The following COL18A1 variants were observed in gnomAD, a reference collection of about 807,000 sequenced individuals.
COL18A1 encodes collagen type XVIII alpha 1 chain.
COL18A1 carries 133 observed loss-of-function variants against 168.0 expected under a neutral mutation model. The observed-to-expected ratio is 0.79, with a 90% CI of 0.69 to 0.91. COL18A1 has a LOEUF of 0.91. Ranked by LOEUF, COL18A1 falls within the 40% of genes least tolerant of loss-of-function variation. COL18A1 has a pLI of 0.00. For missense variants in COL18A1, 2,126 were observed against 1,925.4 expected (o/e 1.10, Z -1.95); for synonymous variants, 949 against 809.0 (o/e 1.17, Z -2.94).
At chr21:45,478,731 G>A (rs554140068) in intron 9 of COL18A1, among the ~76,000 whole-genome samples, 4 of 152,116 alleles carry the variant, frequency 2.6e-5, no homozygotes, top group Admixed American at 2.0e-4. Flanking sequence ...TCCGAGCTTC[G>A]TCGCAAAACA....
In COL18A1 at chr21:45,492,540, C is replaced by T. The variant is rs768098929; in HGVS notation, c.2163C>T (p.Ser721=). 2.3e-5 allele frequency: 37 copies of T among 1,613,326 alleles called. No individual in the cohort carries two copies. The highest frequency in any genetic ancestry group is 3.1e-5 in the Non-Finnish European group (37 of 1,180,016). ...TTCCTTTTGCTCGTGGACAGGGATC[C>T]GTCCTGAGCGTGCCGGGACCTGAGG... ...PVVYVSEQDG[S]VLSVPGPEGR... is the part of the protein sequence containing the mutation. The change falls in exon 23 of 42, where the codon TCC becomes TCT. Residue 721 remains serine (S), a synonymous_variant. Coordinates refer to ENST00000651438, the MANE Select transcript of COL18A1 (RefSeq NM_001379500.1).
At chr21:45,430,672 C>T (rs544867762) in intron 2 of COL18A1, among the ~76,000 whole-genome samples, 70 of 152,284 alleles carry the variant, frequency 4.6e-4, no homozygotes, top group African/African-American at 1.6e-3. Context: ...CGTCTCGGCC[C>T]GGGGTCTCGT....
At position 45,486,942 on chromosome 21, in the gene COL18A1, G is replaced by C; in HGVS notation, c.1783G>C (p.Gly595Arg). The stretch of plus-strand genomic sequence containing the variant: ...AGCCCCCGGACCTGCTGGACCACCA[G>C]GCCCCCCTGGGCCCCCTGGGCCCCC... Reference protein sequence around the residue: ...AGAPGPAGPPGPPGPPGPPGP... With the variant: ...AGAPGPAGPPRPPGPPGPPGP... The change falls in exon 16 of 42, where the codon GGC becomes CGC. Residue 595 changes from glycine to arginine, a missense_variant. Gly to Arg is a moderately radical substitution (Grantham distance 125). Coordinates refer to ENST00000651438, the MANE Select transcript of COL18A1 (RefSeq NM_001379500.1). 6.7e-7 allele frequency: 1 copy of C among 1,491,602 alleles called. No individual in the cohort carries two copies. Among genetic ancestry groups the C allele is most frequent in the Non-Finnish European group, 8.9e-7 (1 of 1,121,740 alleles). The allele number at this position is 1,491,602 out of a possible 1,614,324, so 92.4% of individuals were successfully genotyped here.
intron 2 of COL18A1, among the ~76,000 whole-genome samples, chr21:45,446,803 A>G (rs1000631341): frequency 6.6e-5 from 10 of 152,222 alleles, no homozygotes; most frequent in African/African-American, 2.4e-4. Context: ...AAAATTCACC[A>G]TGGCTAAGTG....
intron 39 of COL18A1, among the ~76,000 whole-genome samples, chr21:45,509,858 G>T (rs2146124135): frequency 6.6e-6 from 1 of 152,318 alleles, no homozygotes; most frequent in South Asian, 2.1e-4. Context: ...GGCAGCTGGG[G>T]GCACCCACGT....
chr21:45,498,016 A>AC lies in COL18A1; in HGVS notation c.2683+358dup, dbSNP rs2036600391. Among the ~76,000 whole-genome samples, 1 of 151,994 alleles carries AC rather than the reference A, an allele frequency of 6.6e-6. No homozygotes were observed. Among genetic ancestry groups the AC allele is most frequent in the South Asian group, 2.1e-4 (1 of 4,826 alleles). ...CGGGGCCGGGGGTCGGCACTGGAGG[A>AC]CCCTCTGTCGAGAAACTCTCCAGGG... is the stretch of plus-strand genomic sequence containing the variant. On this transcript the variant is annotated intron_variant, in intron 32 of 41. Coordinates refer to ENST00000651438, the MANE Select transcript of COL18A1 (RefSeq NM_001379500.1). This position sits in a 1 kb window ranked among gnomAD's most constrained non-coding sequence, Gnocchi z 4.5.
At chr21:45,505,802 C>G (rs748392655) in intron 36 of COL18A1, 36 bp from the exon 37 acceptor site, 1 of 1,543,618 alleles carries the variant, frequency 6.5e-7, no homozygotes, top group South Asian at 1.1e-5. Context: ...CCGCCCTCCC[C>G]GCCAAGCCCC....
At chr21:45,495,894 T>C (rs1244892439) in intron 29 of COL18A1, 1 of 316,764 alleles carries the variant, frequency 3.2e-6, no homozygotes, top group African/African-American at 2.2e-5. Context: ...CATACATGAC[T>C]ATGAGCCCTC....
intron 32 of COL18A1, 32 bp from the exon 33 acceptor site, chr21:45,503,979 T>C: frequency 6.2e-7 from 1 of 1,612,960 alleles, no homozygotes; most frequent in Non-Finnish European, 8.5e-7. Context: ...AGACACCACC[T>C]CAGCGAGACC....
At chr21:45,483,804 G>A (rs2035979791) in intron 15 of COL18A1, among the ~76,000 whole-genome samples, 1 of 152,192 alleles carries the variant, frequency 6.6e-6, no homozygotes, top group African/African-American at 2.4e-5. Flanking sequence ...CTGCGAGTCA[G>A]GTGGTGAGAG....
Position 45,405,449 on chromosome 21 carries a change from G to C in COL18A1, c.82G>C (p.Val28Leu). 1 of 1,381,460 alleles carries C rather than the reference G, an allele frequency of 7.2e-7. No individual in the cohort carries two copies. Among genetic ancestry groups the C allele is most frequent in the South Asian group, 1.5e-5 (1 of 67,848 alleles). The allele number at this position is 1,381,460 out of a possible 1,614,324, so 85.6% of individuals were successfully genotyped here. A position where few individuals can be genotyped will look rare whatever the true frequency, so the allele number is the denominator to read the frequency against. Reference sequence around the variant, plus strand: ...CGCGCCCCTGGTCCTGCTGCTCGGGGTCCGCGCGGCCTCCGCGGAGCCAGG... The same window carrying C: ...CGCGCCCCTGGTCCTGCTGCTCGGGCTCCGCGCGGCCTCCGCGGAGCCAGG... ...VLAPLVLLLG[V>L]RAASAEPERI... Residue 28 changes from valine to leucine, a missense_variant, in exon 2 of 42, where the codon GTC becomes CTC. By Grantham distance (32) the Val-to-Leu change is conservative (BLOSUM62 1). Transcript: ENST00000651438.
intron 2 of COL18A1, among the ~76,000 whole-genome samples, chr21:45,445,366 G>A (rs997348414): frequency 6.6e-6 from 1 of 152,234 alleles, no homozygotes; most frequent in African/African-American, 2.4e-5. Context: ...GCATTTGGTG[G>A]ACTTCTGAGC....
At chr21:45,499,081 C>G (rs904448570) in intron 32 of COL18A1, among the ~76,000 whole-genome samples, 1 of 152,062 alleles carries the variant, frequency 6.6e-6, no homozygotes, top group Non-Finnish European at 1.5e-5. Flanking sequence ...TTCGAAGGAT[C>G]AACAATTAGA....
chr21:45,467,478 A>T, intron 2 of COL18A1: 3 of 962,250 alleles, frequency 3.1e-6, no homozygotes, highest in South Asian at 9.6e-5. Context: ...GGGAATCAGC[A>T]TGGGGGGGAT....
chr21:45,494,238 G>T (rs1296118855), intron 26 of COL18A1: 1 of 456,936 alleles, frequency 2.2e-6, no homozygotes, highest in Non-Finnish European at 3.9e-6. Context: ...ACACTGCGTG[G>T]CACATGCCCT....
At chr21:45,503,578 C>T (rs7281141) in intron 32 of COL18A1, among the ~76,000 whole-genome samples, 73 of 142,542 alleles carry the variant, frequency 5.1e-4, no homozygotes, top group East Asian at 3.4e-3. Flanking sequence ...TAGGTGGGAA[C>T]TGAACAATGA....
Position 45,433,369 on chromosome 21 carries a change from A to T in COL18A1, c.106+27896A>T, listed in dbSNP as rs143987457. Among the ~76,000 whole-genome samples the T allele has an allele frequency of 5.5e-4, 84 of 152,278 alleles. 2 individuals carry two copies. The East Asian group carries it at 0.015, about 28-fold the overall frequency. The stretch of plus-strand genomic sequence containing the variant: ...ATTGTGTGTGGATTGGACCAGCTCC[A>T]TGAGAGTGGAGCCCGGGAGCCTCTC... On this transcript the variant is annotated intron_variant, in intron 2 of 41. Coordinates refer to ENST00000651438, the MANE Select transcript of COL18A1 (RefSeq NM_001379500.1).
At chr21:45,415,210 T>A (rs7281138) in intron 2 of COL18A1, among the ~76,000 whole-genome samples, 72 of 152,244 alleles carry the variant, frequency 4.7e-4, no homozygotes, top group African/African-American at 1.6e-3. Context: ...AGGGCCACTC[T>A]GTGGGGCAGG....
At position 45,406,123 on chromosome 21, in the gene COL18A1, T is replaced by G. The variant is rs2033100905; in HGVS notation, c.106+650T>G. ...CGGTGCGCGGGGCCCGTGGGGACCT[T>G]CCTGCCTCCAACCCCGGGACCCAGT... On this transcript the variant is annotated intron_variant, in intron 2 of 41. Transcript: ENST00000651438. Among the ~76,000 whole-genome samples the G allele has an allele frequency of 2.6e-5, 4 of 152,306 alleles. No individual in the cohort carries two copies. In the South Asian group the frequency reaches 8.3e-4, roughly 32 times the overall value.
Sources: allele counts gnomAD v4.1 joint callset (sites outside exome capture counted in the v4.1 genomes callset), GRCh38; gene constraint gnomAD v4.1.1; non-coding constraint Gnocchi (gnomAD v3.1); transcripts MANE v1.5; gene names NCBI Gene and HGNC (gene_info 2026-07-23, HGNC 2026-07-21).